The following MIA variants were observed in gnomAD, a reference collection of about 807,000 sequenced individuals.
MIA encodes MIA SH3 domain containing, also known as melanoma-derived growth regulatory protein.
A neutral mutation model predicts 18.5 loss-of-function variants in MIA; 18 were observed. That is an observed-to-expected ratio of 0.97 (90% CI 0.67 to 1.44). The LOEUF is 1.44. Among genes scored for constraint, MIA ranks in the 40% most tolerant of loss-of-function variants. The pLI is 0.00. For missense variants in MIA, 158 were observed against 172.4 expected (o/e 0.92, Z 0.47); for synonymous variants, 55 against 64.9 (o/e 0.85, Z 0.74).
chr19:40,777,485 T>A lies in MIA; in HGVS notation c.*65T>A. The A allele has an allele frequency of 1.4e-6, 2 of 1,425,300 alleles. No individual in the cohort carries two copies. Among genetic ancestry groups the A allele is most frequent in the Non-Finnish European group, 2.0e-6 (2 of 1,015,154 alleles). The allele number at this position is 1,425,300 out of a possible 1,614,324, so 88.3% of individuals were successfully genotyped here. A position where few individuals can be genotyped will look rare whatever the true frequency, so the allele number is the denominator to read the frequency against. On this transcript the variant is annotated 3_prime_UTR_variant, in exon 4 of 4. Transcript: ENST00000263369. ...CTTTATGCAAATACAATCAGCCCAG[T>A]GCAAACGGCTCGTCTCCGTGGTCTT...
chr19:40,775,574 T>C lies in MIA; in HGVS notation c.32T>C (p.Ile11Thr). 1 of 1,614,160 alleles carries C rather than the reference T, an allele frequency of 6.2e-7. No individual in the cohort carries two copies. The highest frequency in any genetic ancestry group is 1.3e-5 in the African/African-American group (1 of 75,026). ...CGGTCCCTGGTGTGCCTTGGTGTCA[T>C]CATCTTGCTGTCTGCCTTCTCCGGA... The part of the protein sequence containing the change: MARSLVCLGV[I>T]ILLSAFSGPG... Residue 11 changes from isoleucine to threonine, a missense_variant, in exon 1 of 4, where the codon ATC (isoleucine) becomes ACC (threonine). Coordinates refer to ENST00000263369, the MANE Select transcript of MIA (RefSeq NM_006533.4).
At chr19:40,777,109 T>TG (rs921577706) in intron 3 of MIA, 30 bp downstream of exon 3, 2 of 1,577,686 alleles carry the variant, frequency 1.3e-6, no homozygotes, top group Admixed American at 1.7e-5. Context: ...GCAAGAAATG[T>TG]GGGGGGAGGA....
intron 2 of MIA, among the ~76,000 whole-genome samples, chr19:40,776,328 T>C (rs570747357): frequency 2.0e-5 from 3 of 150,916 alleles, no homozygotes; most frequent in African/African-American, 7.3e-5. Context: ...CCCCAGCCTA[T>C]TTTCACTTTA....
intron 3 of MIA, 50 bp from the exon 4 acceptor site, chr19:40,777,347 T>C: frequency 6.2e-7 from 1 of 1,607,354 alleles, no homozygotes; most frequent in South Asian, 1.1e-5. Context: ...AGATCCTTTG[T>C]GGTGTGACCG....
In MIA at chr19:40,775,559, T is replaced by C. The variant is rs1257529493; in HGVS notation, c.17T>C (p.Val6Ala). The C allele has an allele frequency of 6.2e-7, 1 of 1,614,166 alleles. No homozygotes were observed. The highest frequency in any genetic ancestry group is 1.7e-5 in the Admixed American group (1 of 60,010). Reference protein sequence around the residue: MARSLVCLGVIILLSA... With the variant: MARSLACLGVIILLSA... Reference sequence around the variant, plus strand: ...CAGTCCACGATGGCCCGGTCCCTGGTGTGCCTTGGTGTCATCATCTTGCTG... The same window carrying C: ...CAGTCCACGATGGCCCGGTCCCTGGCGTGCCTTGGTGTCATCATCTTGCTG... The change falls in exon 1 of 4, where the codon GTG becomes GCG. Residue 6 changes from valine (V) to alanine (A), a missense_variant. By Grantham distance (64) the Val-to-Ala change is moderately conservative. Coordinates refer to ENST00000263369, the MANE Select transcript of MIA (RefSeq NM_006533.4).
intron 2 of MIA, chr19:40,776,760 A>G: frequency 2.2e-6 from 1 of 457,924 alleles, no homozygotes; most frequent in East Asian, 3.9e-5. Context: ...TAATAATAAT[A>G]AAAGCAAATA....
chr19:40,775,281 T>C (rs1368115449), upstream of MIA: 3 of 504,858 alleles, frequency 5.9e-6, no homozygotes, highest in East Asian at 3.4e-5. Context: ...TCTGTGATTG[T>C]TGAGGAGGGG....
chr19:40,775,546 G>T lies in MIA; in HGVS notation c.4G>T (p.Ala2Ser), dbSNP rs1465525221. 6.2e-7 allele frequency: 1 copy of T among 1,613,980 alleles called. No homozygotes were observed. Reference sequence around the variant, plus strand: ...ACTCTCTTGCTCACAGTCCACGATGGCCCGGTCCCTGGTGTGCCTTGGTGT... The same window carrying T: ...ACTCTCTTGCTCACAGTCCACGATGTCCCGGTCCCTGGTGTGCCTTGGTGT... MARSLVCLGVII... is the reference protein window; with the variant it reads MSRSLVCLGVII... Residue 2 changes from alanine (A) to serine (S), a missense_variant, in exon 1 of 4, where the codon GCC becomes TCC. Ala to Ser is a moderately conservative substitution (Grantham distance 99). Coordinates refer to ENST00000263369, the MANE Select transcript of MIA (RefSeq NM_006533.4).
upstream of MIA, chr19:40,775,502 C>G: frequency 6.2e-7 from 1 of 1,612,628 alleles, no homozygotes; most frequent in Admixed American, 1.7e-5. Flanking sequence ...AAATTGGAGA[C>G]CCCAGCACCC....
rs1016765119 is a variant in MIA at position 40,775,839 on chromosome 19, T to C, written c.215T>C (p.Val72Ala). 2 of 1,613,878 alleles carry C rather than the reference T, an allele frequency of 1.2e-6. No homozygotes were observed. The highest frequency in any genetic ancestry group is 1.3e-5 in the African/African-American group (1 of 74,836). ...ATTCACCGGGGCCAAGTGGTGTATG[T>C]CTTCTCCAAGCTGAAGGGCCGTGGG... The part of the protein sequence containing the change: ...LTIHRGQVVY[V>A]FSKLKGRGRL... Residue 72 changes from valine (V) to alanine (A), a missense_variant, in exon 2 of 4, where the codon GTC (valine) becomes GCC (alanine). Physicochemically the swap from Val to Ala is moderately conservative, Grantham distance 64. Transcript: ENST00000263369.
Position 40,777,432 on chromosome 19 carries a change from C to T in MIA, c.*12C>T, listed in dbSNP as rs1310126533. ...TCTACTGCCAGTGAGCTCAGCCTAC[C>T]GCTGGCCCTGCCGTTTCCCCTCCTT... is the stretch of plus-strand genomic sequence containing the variant. On this transcript the variant is annotated 3_prime_UTR_variant, in exon 4 of 4. Coordinates refer to ENST00000263369, the MANE Select transcript of MIA (RefSeq NM_006533.4). 2 of 1,610,370 alleles carry T rather than the reference C, an allele frequency of 1.2e-6. No individual in the cohort carries two copies. Among genetic ancestry groups the T allele is most frequent in the Non-Finnish European group, 8.5e-7 (1 of 1,177,864 alleles).
In MIA at chr19:40,775,650, T is replaced by C. The variant is rs779037960; in HGVS notation, c.108T>C (p.Cys36=). 2 of 1,614,128 alleles carry C rather than the reference T, an allele frequency of 1.2e-6. No homozygotes were observed. Among genetic ancestry groups the C allele is most frequent in the Non-Finnish European group, 1.7e-6 (2 of 1,180,014 alleles). The change falls in exon 1 of 4, where the codon TGT becomes TGC. Residue 36 remains cysteine, a synonymous_variant. Coordinates refer to ENST00000263369, the MANE Select transcript of MIA (RefSeq NM_006533.4). ...CCAAGCTGGCTGACCGGAAGCTGTG[T>C]GCGGACCAGGAGTGCAGCCGTAAGA... ...PMPKLADRKL[C]ADQECSHPIS...
chr19:40,775,786 C>T lies in MIA; in HGVS notation c.162C>T (p.Tyr54=), dbSNP rs1272680195. The T allele has an allele frequency of 1.2e-6, 2 of 1,614,164 alleles. No homozygotes were observed. Among genetic ancestry groups the T allele is most frequent in the Non-Finnish European group, 1.7e-6 (2 of 1,180,040 alleles). ...PISMAVALQD[Y]MAPDCRFLTI... ...CCATGGCTGTGGCCCTTCAGGACTA[C>T]ATGGCCCCCGACTGCCGATTCCTGA... The change falls in exon 2 of 4, where the codon TAC becomes TAT. Residue 54 remains tyrosine (Y), a synonymous_variant. Coordinates refer to ENST00000263369, the MANE Select transcript of MIA (RefSeq NM_006533.4).
chr19:40,776,858 C>A, intron 2 of MIA, 111 bp from the exon 3 acceptor site: 1 of 689,004 alleles, frequency 1.5e-6, no homozygotes. Context: ...ATTCATATGA[C>A]AAGGATGGAG....
chr19:40,776,496 A>G, intron 2 of MIA, among the ~76,000 whole-genome samples: 1 of 152,128 alleles, frequency 6.6e-6, no homozygotes, highest in Non-Finnish European at 1.5e-5. Flanking sequence ...CTGTAATCCC[A>G]AGTAAGGCCA....
At chr19:40,777,187 C>T in intron 3 of MIA, 108 bp downstream of exon 3, 1 of 1,146,774 alleles carries the variant, frequency 8.7e-7, no homozygotes, top group South Asian at 1.3e-5. Flanking sequence ...GGTATGTGCG[C>T]TGGGAGAAAT....
At chr19:40,776,944 C>T in intron 2 of MIA, 25 bp from the exon 3 acceptor site, 1 of 1,573,546 alleles carries the variant, frequency 6.4e-7, no homozygotes, top group Non-Finnish European at 8.7e-7. Flanking sequence ...TTCCCAGACC[C>T]TAGCTTTTAA....
In MIA at chr19:40,777,392, T is replaced by G; in HGVS notation, c.373-5T>G. 1 of 1,613,968 alleles carries G rather than the reference T, an allele frequency of 6.2e-7. No homozygotes were observed. Among genetic ancestry groups the G allele is most frequent in the East Asian group, 2.2e-5 (1 of 44,888 alleles). On this transcript the variant is annotated splice_polypyrimidine_tract_variant and splice_region_variant and intron_variant, in intron 3 of 3. Transcript: ENST00000263369. Reference sequence around the variant, plus strand: ...TTTCCACTGTTTCCCCTTTCTCTTTTTCAGAAATGGGATTTCTACTGCCAG... The same window carrying G: ...TTTCCACTGTTTCCCCTTTCTCTTTGTCAGAAATGGGATTTCTACTGCCAG...
At chr19:40,776,711 C>G (rs1186926837) in intron 2 of MIA, 1 of 335,420 alleles carries the variant, frequency 3.0e-6, no homozygotes, top group Non-Finnish European at 5.6e-6. Context: ...TACTGCACCT[C>G]AACCTGGGCG....
Sources: gnomAD v4.1 joint callset for allele counts (sites outside exome capture counted in the v4.1 genomes callset) on GRCh38, gnomAD v4.1.1 for gene constraint, MANE v1.5 for transcripts, NCBI Gene and HGNC (gene_info 2026-07-23, HGNC 2026-07-21) for gene names.